KCNN2: variants seen among roughly 807,000 people sequenced by gnomAD.
The protein encoded by KCNN2 is small conductance calcium-activated potassium channel protein 2.
KCNN2 carries 24 observed loss-of-function variants against 55.5 expected under a neutral mutation model. The observed-to-expected ratio is 0.43, with a 90% CI of 0.31 to 0.61. KCNN2 has a LOEUF of 0.61. Among genes scored for constraint, KCNN2 ranks in the 20% least tolerant of loss-of-function variants. KCNN2 has a pLI of 0.08. For missense variants in KCNN2, 754 were observed against 853.6 expected, an observed-to-expected ratio of 0.88 and a Z score of 1.45; for synonymous variants, 431 against 336.1, an observed-to-expected ratio of 1.28 and a Z score of -3.09.
intron 3 of KCNN2, among the ~76,000 whole-genome samples, chr5:114,405,580 G>A (rs1758905526): frequency 6.6e-6 from 1 of 152,152 alleles, no homozygotes; most frequent in Non-Finnish European, 1.5e-5. Flanking sequence ...GGGCTACAGA[G>A]TACCCTCACA....
At chr5:114,482,223 C>A (rs542059149) in intron 5 of KCNN2, among the ~76,000 whole-genome samples, 1 of 152,220 alleles carries the variant, frequency 6.6e-6, no homozygotes, top group African/African-American at 2.4e-5. Context: ...AGGACATGAA[C>A]AGACACGTCT....
chr5:114,479,857 G>C (rs1226671649), intron 5 of KCNN2, among the ~76,000 whole-genome samples: 1 of 152,164 alleles, frequency 6.6e-6, no homozygotes, highest in Non-Finnish European at 1.5e-5. Context: ...CAACGTAGCA[G>C]AATCTCTGGG....
chr5:114,185,737 A>G (rs575150976), intron 1 of KCNN2, among the ~76,000 whole-genome samples: 8 of 152,324 alleles, frequency 5.3e-5, no homozygotes, highest in Non-Finnish European at 8.8e-5. Flanking sequence ...TGAAAGTTGC[A>G]TTTTATCTGC....
At chr5:114,100,256 C>G (rs1751346337) in intron 1 of KCNN2, among the ~76,000 whole-genome samples, 1 of 151,914 alleles carries the variant, frequency 6.6e-6, no homozygotes, top group Non-Finnish European at 1.5e-5. Flanking sequence ...TATAAAATAA[C>G]TACAAAGAAG....
chr5:114,235,750 C>T (rs1351874102), intron 2 of KCNN2, among the ~76,000 whole-genome samples: 1 of 152,190 alleles, frequency 6.6e-6, no homozygotes, highest in Non-Finnish European at 1.5e-5. Flanking sequence ...CAAAAGTCTT[C>T]TTTTCCTTAC....
chr5:114,263,817 A>G lies in KCNN2; in HGVS notation c.-185+42252A>G, dbSNP rs187300371. On this transcript the variant is annotated intron_variant, in intron 2 of 10. Coordinates refer to the KCNN2 transcript ENST00000512097. Reference sequence around the variant, plus strand: ...GACTATTCACTCACCCCTGCCTCTCATAAGGGAGTTTGAAAATTTAGGGAG... The same window carrying G: ...GACTATTCACTCACCCCTGCCTCTCGTAAGGGAGTTTGAAAATTTAGGGAG... 1.4e-3 allele frequency among the ~76,000 whole-genome samples: 216 copies of G among 152,286 alleles called. 1 individual carries two copies. The highest frequency in any genetic ancestry group is 4.9e-3 in the African/African-American group (202 of 41,570).
At chr5:114,277,912 A>G (rs1354876488) in intron 2 of KCNN2, among the ~76,000 whole-genome samples, 1 of 152,160 alleles carries the variant, frequency 6.6e-6, no homozygotes, top group Non-Finnish European at 1.5e-5. Flanking sequence ...TTGGAGGAGA[A>G]AAGGCATTCT....
intron 2 of KCNN2, among the ~76,000 whole-genome samples, chr5:114,274,614 A>T (rs929013097): frequency 6.6e-6 from 1 of 151,876 alleles, no homozygotes; most frequent in African/African-American, 2.4e-5. Context: ...ATGGGAGTTC[A>T]CTCCTGATTT....
intron 5 of KCNN2, among the ~76,000 whole-genome samples, chr5:114,480,845 T>A (rs1247420668): frequency 6.6e-6 from 1 of 152,112 alleles, no homozygotes; most frequent in Non-Finnish European, 1.5e-5. Flanking sequence ...CTCAATAAAC[T>A]AGGTACTGAA....
At chr5:114,194,361 A>T (rs2112565867) in intron 1 of KCNN2, among the ~76,000 whole-genome samples, 1 of 152,082 alleles carries the variant, frequency 6.6e-6, no homozygotes, top group Non-Finnish European at 1.5e-5. Context: ...GCCTACCCTT[A>T]ATGTTGTCTG....
chr5:114,429,447 C>A (rs576383396), intron 3 of KCNN2, among the ~76,000 whole-genome samples: 9 of 152,136 alleles, frequency 5.9e-5, no homozygotes, highest in African/African-American at 2.2e-4. Context: ...ATCTGTATAT[C>A]TTCTTTAATG....
At chr5:114,164,442 T>C (rs1298694776) in intron 1 of KCNN2, among the ~76,000 whole-genome samples, 1 of 152,274 alleles carries the variant, frequency 6.6e-6, no homozygotes, top group East Asian at 1.9e-4. Context: ...ATTTACTATA[T>C]TTTTTTCATG....
intron 2 of KCNN2, among the ~76,000 whole-genome samples, chr5:114,355,782 G>C (rs1757284704): frequency 6.6e-6 from 1 of 152,136 alleles, no homozygotes; most frequent in African/African-American, 2.4e-5. Context: ...GCATTTGCCA[G>C]TGTCAATATT....
At chr5:114,237,283 C>CAG in intron 2 of KCNN2, among the ~76,000 whole-genome samples, 1 of 150,818 alleles carries the variant, frequency 6.6e-6, no homozygotes, top group Non-Finnish European at 1.5e-5. Flanking sequence ...CACACACACA[C>CAG]ACACACACTC....
At chr5:114,191,616 G>C (rs76385818) in intron 1 of KCNN2, among the ~76,000 whole-genome samples, 1 of 152,128 alleles carries the variant, frequency 6.6e-6, no homozygotes, top group Non-Finnish European at 1.5e-5. Context: ...CATTGGGCCA[G>C]TACAGCAGTC....
At chr5:114,123,771 G>A (rs1751874635) in intron 1 of KCNN2, among the ~76,000 whole-genome samples, 1 of 152,158 alleles carries the variant, frequency 6.6e-6, no homozygotes, top group Admixed American at 6.5e-5. Flanking sequence ...ATTCATGTCA[G>A]TCTGTTTTAT....
intron 2 of KCNN2, among the ~76,000 whole-genome samples, chr5:114,332,559 T>C (rs1239531818): frequency 6.6e-6 from 1 of 152,202 alleles, no homozygotes; most frequent in African/African-American, 2.4e-5. Flanking sequence ...GGGGTTGATA[T>C]TTAACCAAAT....
At chr5:114,229,878 A>G (rs909035495) in intron 2 of KCNN2, among the ~76,000 whole-genome samples, 5 of 152,198 alleles carry the variant, frequency 3.3e-5, no homozygotes, top group African/African-American at 9.6e-5. Context: ...AGAGGCTGAA[A>G]CAGAAACAAA....
chr5:114,247,647 AAG>A (rs1351163849), intron 2 of KCNN2, among the ~76,000 whole-genome samples: 1 of 152,216 alleles, frequency 6.6e-6, no homozygotes, highest in Non-Finnish European at 1.5e-5. Context: ...TGAACTTGCT[AAG>A]AGCATGCTCA....
Sources: gnomAD v4.1 joint callset for allele counts (sites outside exome capture counted in the v4.1 genomes callset) on GRCh38, gnomAD v4.1.1 for gene constraint, MANE v1.5 for transcripts, NCBI Gene and HGNC (gene_info 2026-07-23, HGNC 2026-07-21) for gene names.